The following ZNF678 variants were observed in gnomAD, a reference collection of about 807,000 sequenced individuals.
The protein encoded by ZNF678 is zinc finger protein 678.
Under a neutral mutation model 3.0 loss-of-function variants are expected in ZNF678, and 5 were observed. The observed-to-expected ratio is 1.69, with a 90% CI of 0.88 to 3.56. The LOEUF is 3.56. Ranked by LOEUF, ZNF678 falls within the 30% of genes most tolerant of loss-of-function variation. The pLI, the probability that ZNF678 is intolerant of heterozygous loss-of-function variation, is 0.00. For missense variants in ZNF678, 593 were observed against 605.0 expected (o/e 0.98, Z 0.21); for synonymous variants, 218 against 199.6 (o/e 1.09, Z -0.78).
At chr1:227,568,218 C>T (rs1222092365) in intron 1 of ZNF678, among the ~76,000 whole-genome samples, 1 of 152,150 alleles carries the variant, frequency 6.6e-6, no homozygotes, top group Non-Finnish European at 1.5e-5. Context: ...GATGACCCTA[C>T]TGCTCAGGGT....
At chr1:227,578,558 C>T (rs1657043797) in intron 1 of ZNF678, among the ~76,000 whole-genome samples, 1 of 152,190 alleles carries the variant, frequency 6.6e-6, no homozygotes, top group East Asian at 1.9e-4. Flanking sequence ...CATTGCATTA[C>T]AAAATTCTTG....
intron 1 of ZNF678, among the ~76,000 whole-genome samples, chr1:227,616,186 G>A (rs1658136843): frequency 6.6e-6 from 1 of 152,116 alleles, no homozygotes; most frequent in African/African-American, 2.4e-5. Context: ...CCTCTTTCTT[G>A]TATTCCTTTA....
Position 227,624,323 on chromosome 1 carries a change from C to A in ZNF678, c.-163-22221C>A, listed in dbSNP as rs145750121. Among the ~76,000 whole-genome samples, 39 of 152,278 alleles carry A rather than the reference C, an allele frequency of 2.6e-4. No individual in the cohort carries two copies. The East Asian group carries it at 7.3e-3, about 29-fold the overall frequency. On this transcript the variant is annotated intron_variant, in intron 1 of 3. Transcript: ENST00000343776. ...ACTGATGATCCCTCCACAAAGACCC[C>A]AATTTAACAACTATCTACATAAAAA...
At chr1:227,589,596 C>T (rs1287147151) in intron 1 of ZNF678, among the ~76,000 whole-genome samples, 3 of 151,604 alleles carry the variant, frequency 2.0e-5, no homozygotes, top group Non-Finnish European at 2.9e-5. Context: ...TTTAAGGGCT[C>T]ACAACTCTAA....
At chr1:227,587,928 A>C (rs560765335) in intron 1 of ZNF678, among the ~76,000 whole-genome samples, 2 of 150,710 alleles carry the variant, frequency 1.3e-5, no homozygotes, top group South Asian at 4.2e-4. Flanking sequence ...AGATCATCCC[A>C]TCACTTAGGT....
intron 5 of ZNF678, among the ~76,000 whole-genome samples, chr1:227,674,036 C>A (rs890276319): frequency 1.3e-5 from 2 of 152,058 alleles, no homozygotes; most frequent in Non-Finnish European, 2.9e-5. Context: ...GGCACACCAC[C>A]GAGGTGGCTG....
chr1:227,633,951 C>T (rs901898247), intron 1 of ZNF678, among the ~76,000 whole-genome samples: 5 of 152,158 alleles, frequency 3.3e-5, no homozygotes, highest in African/African-American at 1.2e-4. Flanking sequence ...GCTCATGTCT[C>T]CAAAAAGAGA....
chr1:227,573,391 C>T (rs1205869862), intron 1 of ZNF678, among the ~76,000 whole-genome samples: 3 of 152,144 alleles, frequency 2.0e-5, no homozygotes, highest in Admixed American at 1.3e-4. Flanking sequence ...AATAAAAGCC[C>T]ATTGACAGAT....
intron 1 of ZNF678, among the ~76,000 whole-genome samples, chr1:227,578,310 G>C (rs921049143): frequency 6.6e-6 from 1 of 152,134 alleles, no homozygotes; most frequent in African/African-American, 2.4e-5. Flanking sequence ...AAGTTCTCGT[G>C]GATGACATCC....
At chr1:227,602,837 G>C (rs1010426679) in intron 1 of ZNF678, among the ~76,000 whole-genome samples, 2 of 152,176 alleles carry the variant, frequency 1.3e-5, no homozygotes, top group Non-Finnish European at 2.9e-5. Flanking sequence ...ACACTTTAAA[G>C]AATGCTTTTT....
intron 1 of ZNF678, among the ~76,000 whole-genome samples, chr1:227,594,174 T>C (rs184137974): frequency 4.6e-4 from 70 of 152,312 alleles, no homozygotes; most frequent in Admixed American, 1.4e-3. Context: ...AAAATTCCTT[T>C]AGCACCTATT....
intron 1 of ZNF678, among the ~76,000 whole-genome samples, chr1:227,637,950 C>G (rs773002709): frequency 7.2e-5 from 11 of 152,116 alleles, no homozygotes; most frequent in Admixed American, 2.0e-4. Flanking sequence ...TACCCCTGTT[C>G]TGTCAAGAAG....
At chr1:227,639,928 T>G (rs1658776452) in intron 1 of ZNF678, among the ~76,000 whole-genome samples, 1 of 152,206 alleles carries the variant, frequency 6.6e-6, no homozygotes, top group Non-Finnish European at 1.5e-5. Context: ...CTGAGTCTTT[T>G]GTTAATTTGA....
At position 227,563,632 on chromosome 1, in the gene ZNF678, ACT is replaced by A. The variant is rs765426279; in HGVS notation, c.-253_-252del. On this transcript the variant is annotated 5_prime_UTR_variant, in exon 1 of 4. Coordinates refer to ENST00000343776, the MANE Select transcript of ZNF678 (RefSeq NM_001367909.1). ...TCCCCAGCTGCGGGAGGCCCTGGTG[ACT>A]CTGCTGCTGCAGTGTCTGGTTTCCC... The A allele has an allele frequency of 1.2e-4, 156 of 1,275,796 alleles. No homozygotes were observed. The highest frequency in any genetic ancestry group is 1.6e-4 in the Non-Finnish European group (152 of 960,462). The allele number at this position is 1,275,796 out of a possible 1,614,324, so 79.0% of individuals were successfully genotyped here.
chr1:227,575,294 T>C (rs1033686992), intron 1 of ZNF678, among the ~76,000 whole-genome samples: 1 of 152,228 alleles, frequency 6.6e-6, no homozygotes, highest in Non-Finnish European at 1.5e-5. Context: ...TCATTGGTAG[T>C]TTAATAGAAA....
At chr1:227,586,838 A>T (rs1384130701) in intron 1 of ZNF678, among the ~76,000 whole-genome samples, 1 of 152,194 alleles carries the variant, frequency 6.6e-6, no homozygotes, top group Non-Finnish European at 1.5e-5. Flanking sequence ...TTTTTCCCTC[A>T]TCAAGGTGGT....
chr1:227,631,247 C>T lies in ZNF678; in HGVS notation c.-163-15297C>T, dbSNP rs190661001. ...TTAATGCTTATTCATTTCCAGGGTG[C>T]GTAACCACCCATGGACCTCTGCTTA... is the stretch of plus-strand genomic sequence containing the variant. On this transcript the variant is annotated intron_variant, in intron 1 of 3. Coordinates refer to ENST00000343776, the MANE Select transcript of ZNF678 (RefSeq NM_001367909.1). Among the ~76,000 whole-genome samples, 209 of 152,288 alleles carry T rather than the reference C, an allele frequency of 1.4e-3. 1 individual carries two copies. Among genetic ancestry groups the T allele is most frequent in the Non-Finnish European group, 2.2e-3 (149 of 68,024 alleles).
chr1:227,635,267 TA>T (rs915852177), intron 1 of ZNF678, among the ~76,000 whole-genome samples: 2 of 152,330 alleles, frequency 1.3e-5, no homozygotes, highest in African/African-American at 4.8e-5. Flanking sequence ...GGTGTACCTT[TA>T]TTTTAAACCT....
At chr1:227,603,933 C>G (rs1206025244) in intron 1 of ZNF678, among the ~76,000 whole-genome samples, 1 of 152,214 alleles carries the variant, frequency 6.6e-6, no homozygotes, top group Non-Finnish European at 1.5e-5. Context: ...ATAATTGGAA[C>G]CATACATTAT....
Sources: gnomAD v4.1 joint callset for allele counts (sites outside exome capture counted in the v4.1 genomes callset) on GRCh38, gnomAD v4.1.1 for gene constraint, MANE v1.5 for transcripts, NCBI Gene and HGNC (gene_info 2026-07-23, HGNC 2026-07-21) for gene names.